The following SHROOM3 variants were observed in gnomAD, a reference collection of about 807,000 sequenced individuals.
The protein encoded by SHROOM3 is protein Shroom3.
In SHROOM3, 47 loss-of-function variants were observed where a neutral mutation model predicts 138.6. That is an observed-to-expected ratio of 0.34 (90% CI 0.27 to 0.43). The LOEUF (loss-of-function observed/expected upper bound fraction) is 0.43, where lower values mean the gene tolerates loss of function less well. Ranked by LOEUF, SHROOM3 falls within the 20% of genes least tolerant of loss-of-function variation. SHROOM3 has a pLI of 1.00. For synonymous variants in SHROOM3, 1,062 were observed against 1,063.3 expected (o/e 1.00, Z 0.02); for missense variants, 2,491 against 2,596.5 (o/e 0.96, Z 0.88).
chr4:76,553,401 G>A (rs749473407), intron 1 of SHROOM3, among the ~76,000 whole-genome samples: 55 of 152,006 alleles, frequency 3.6e-4, no homozygotes, highest in Middle Eastern at 3.4e-3. Flanking sequence ...TCAGCTTCCC[G>A]AGTAGCTGGG....
At chr4:76,568,598 ATCT>A (rs1396565988) in intron 2 of SHROOM3, among the ~76,000 whole-genome samples, 2 of 152,118 alleles carry the variant, frequency 1.3e-5, no homozygotes, top group African/African-American at 2.4e-5. Context: ...GCCCCTGTGT[ATCT>A]TCTTAGTAAG....
intron 1 of SHROOM3, among the ~76,000 whole-genome samples, chr4:76,485,958 A>AT (rs1450398591): frequency 7.2e-5 from 11 of 151,976 alleles, no homozygotes; most frequent in Non-Finnish European, 1.6e-4. Flanking sequence ...GGCCATTTCC[A>AT]TTTTTTCTGT....
chr4:76,543,568 T>C (rs1311645517), intron 1 of SHROOM3, among the ~76,000 whole-genome samples: 1 of 152,218 alleles, frequency 6.6e-6, no homozygotes, highest in African/African-American at 2.4e-5. Flanking sequence ...TATTTCATGC[T>C]CATTCTACAT....
At position 76,770,712 on chromosome 4, in the gene SHROOM3, C is replaced by T. The variant is rs769337580; in HGVS notation, c.5436C>T (p.Asn1812=). The change falls in exon 10 of 11, where the codon AAC becomes AAT. Residue 1812 remains asparagine (N), a synonymous_variant. Coordinates refer to ENST00000296043, the MANE Select transcript of SHROOM3 (RefSeq NM_020859.4). ...GSLLTDIKLN[N]ALGEEVEALI... ...TGCTCACGGACATCAAGCTCAACAA[C>T]GCCCTGGGAGAAGAGGTGGAGGCTC... is the stretch of plus-strand genomic sequence containing the variant. The T allele has an allele frequency of 3.7e-6, 6 of 1,614,074 alleles. No individual in the cohort carries two copies. The highest frequency in any genetic ancestry group is 4.5e-5 in the East Asian group (2 of 44,870).
intron 1 of SHROOM3, among the ~76,000 whole-genome samples, chr4:76,478,163 G>T (rs1436864244): frequency 6.6e-6 from 1 of 152,172 alleles, no homozygotes; most frequent in Non-Finnish European, 1.5e-5. Flanking sequence ...CTGAAGCCAG[G>T]GAGCCAAGTA....
At chr4:76,545,794 T>C (rs1276713722) in intron 1 of SHROOM3, among the ~76,000 whole-genome samples, 1 of 152,216 alleles carries the variant, frequency 6.6e-6, no homozygotes, top group Non-Finnish European at 1.5e-5. Context: ...GTTCCCATAT[T>C]AGGTGTAGGA....
chr4:76,473,765 G>A (rs550397332), intron 1 of SHROOM3, among the ~76,000 whole-genome samples: 1 of 152,180 alleles, frequency 6.6e-6, no homozygotes, highest in South Asian at 2.1e-4. Context: ...ATACAATGAA[G>A]TATCACTTTA....
chr4:76,608,351 A>G (rs1734666863), intron 2 of SHROOM3, among the ~76,000 whole-genome samples: 1 of 152,168 alleles, frequency 6.6e-6, no homozygotes, highest in Non-Finnish European at 1.5e-5. Flanking sequence ...CTTAGAGCAG[A>G]TTCCTTTTAC....
chr4:76,499,076 G>T (rs996925012), intron 1 of SHROOM3, among the ~76,000 whole-genome samples: 14 of 152,200 alleles, frequency 9.2e-5, no homozygotes, highest in Non-Finnish European at 1.6e-4. Context: ...ATCTAAGAGA[G>T]CATCCAATTC....
chr4:76,765,363 A>T (rs1722119939), intron 9 of SHROOM3, among the ~76,000 whole-genome samples: 1 of 151,938 alleles, frequency 6.6e-6, no homozygotes, highest in Admixed American at 6.6e-5. Flanking sequence ...AAAAAAAAAA[A>T]AAAAATTAGC....
chr4:76,504,786 C>T (rs1419344937), intron 1 of SHROOM3, among the ~76,000 whole-genome samples: 2 of 152,152 alleles, frequency 1.3e-5, no homozygotes, highest in Non-Finnish European at 2.9e-5. Context: ...CATGGTGGAG[C>T]GGCAGATAAG....
At chr4:76,729,653 C>A (rs1720818665) in intron 3 of SHROOM3, among the ~76,000 whole-genome samples, 2 of 152,120 alleles carry the variant, frequency 1.3e-5, no homozygotes, top group Non-Finnish European at 2.9e-5. Flanking sequence ...AAAGGCTTAG[C>A]TAAGAAGGGG....
chr4:76,572,887 C>T (rs1304575526), intron 2 of SHROOM3, among the ~76,000 whole-genome samples: 1 of 152,028 alleles, frequency 6.6e-6, no homozygotes, highest in African/African-American at 2.4e-5. Flanking sequence ...TCGAGACCAG[C>T]CTGGTCAACA....
chr4:76,642,767 A>G (rs138106546), intron 2 of SHROOM3, among the ~76,000 whole-genome samples: 1 of 152,270 alleles, frequency 6.6e-6, no homozygotes, highest in East Asian at 1.9e-4. Flanking sequence ...AATGGAAGCC[A>G]ATACCCATGA....
At chr4:76,455,367 TATAA>T (rs1368421878) in intron 1 of SHROOM3, among the ~76,000 whole-genome samples, 1 of 152,086 alleles carries the variant, frequency 6.6e-6, no homozygotes, top group Non-Finnish European at 1.5e-5. Flanking sequence ...TATACATAAA[TATAA>T]ATAAACATTT....
At chr4:76,466,623 C>T (rs1339460475) in intron 1 of SHROOM3, among the ~76,000 whole-genome samples, 1 of 152,070 alleles carries the variant, frequency 6.6e-6, no homozygotes, top group Non-Finnish European at 1.5e-5. Flanking sequence ...GCCTTTTGTT[C>T]AATGTAATAA....
intron 1 of SHROOM3, among the ~76,000 whole-genome samples, chr4:76,462,351 G>A (rs1317142395): frequency 6.6e-6 from 1 of 151,820 alleles, no homozygotes; most frequent in Non-Finnish European, 1.5e-5. Context: ...TAGCCTGGGT[G>A]ACAGAGTGAG....
chr4:76,525,994 C>T (rs1732680676), intron 1 of SHROOM3, among the ~76,000 whole-genome samples: 1 of 144,108 alleles, frequency 6.9e-6, no homozygotes, highest in South Asian at 2.1e-4. Context: ...TGCTATTGCA[C>T]CACTAAGCTG....
chr4:76,565,313 G>C (rs1733700354), intron 2 of SHROOM3, among the ~76,000 whole-genome samples: 1 of 152,092 alleles, frequency 6.6e-6, no homozygotes, highest in Non-Finnish European at 1.5e-5. Context: ...GGTAAGTTTG[G>C]ATGAGTCCCA....
Sources: gnomAD v4.1 joint callset for allele counts (sites outside exome capture counted in the v4.1 genomes callset) on GRCh38, gnomAD v4.1.1 for gene constraint, MANE v1.5 for transcripts, NCBI Gene and HGNC (gene_info 2026-07-23, HGNC 2026-07-21) for gene names.